The following PIK3CB variants were observed in gnomAD, a reference collection of about 807,000 sequenced individuals.
PIK3CB encodes phosphatidylinositol-4,5-bisphosphate 3-kinase catalytic subunit beta.
A neutral mutation model predicts 136.8 loss-of-function variants in PIK3CB; 39 were observed. The ratio of observed to expected loss-of-function variants is 0.29; its 90% CI spans 0.22 to 0.37. PIK3CB has a LOEUF of 0.37. Ranked by LOEUF, PIK3CB falls within the 10% of genes least tolerant of loss-of-function variation. The pLI is 1.00. For synonymous variants in PIK3CB, 428 were observed against 436.6 expected (o/e 0.98, Z 0.25); for missense variants, 868 against 1,275.4 (o/e 0.68, Z 4.87).
intron 12 of PIK3CB, among the ~76,000 whole-genome samples, chr3:138,700,693 AGATAGAT>A (rs2108536704): frequency 2.6e-4 from 1 of 3,784 alleles, no homozygotes; most frequent in South Asian, 0.011. Flanking sequence ...GACTCTAAAA[AGATAGAT>A]AGATAGATAG....
chr3:138,804,955 G>A (rs1195069937), intron 1 of PIK3CB, among the ~76,000 whole-genome samples: 1 of 152,042 alleles, frequency 6.6e-6, no homozygotes, highest in Non-Finnish European at 1.5e-5. Context: ...AACCCGGGAG[G>A]CGGAGCTTGC....
At chr3:138,674,998 C>T (rs1287176008) in intron 19 of PIK3CB, among the ~76,000 whole-genome samples, 1 of 152,102 alleles carries the variant, frequency 6.6e-6, no homozygotes, top group Non-Finnish European at 1.5e-5. Flanking sequence ...GTGGAGGTGT[C>T]AGTGAGCCGA....
rs1297316204 is a variant in PIK3CB, at chr3:138,662,669, T to A, written c.2796+1237A>T. ...GTCAAATGGTATTTCTAGTTCTAGATCCCTGAGGAATCGCCACACTGACTT... is the reference window on the plus strand; with the variant it reads ...GTCAAATGGTATTTCTAGTTCTAGAACCCTGAGGAATCGCCACACTGACTT... On this transcript the variant is annotated intron_variant, in intron 21 of 23. Coordinates refer to ENST00000674063, the MANE Select transcript of PIK3CB (RefSeq NM_006219.3). Among the ~76,000 whole-genome samples the A allele has an allele frequency of 7.3e-5, 11 of 151,188 alleles. No homozygotes were observed. In the East Asian group the frequency reaches 7.8e-4, roughly 11 times the overall value.
chr3:138,824,720 G>C lies in PIK3CB; in HGVS notation c.-122+9975C>G, dbSNP rs968843936. Among the ~76,000 whole-genome samples, 34 of 151,262 alleles carry C rather than the reference G, an allele frequency of 2.2e-4. 1 individual carries two copies. The highest frequency in any genetic ancestry group is 1.2e-3 in the Admixed American group (18 of 15,124). The stretch of plus-strand genomic sequence containing the variant: ...GAAAAAAAAGAAAAGAAATGAAGGA[G>C]ATATACATTCTCGGGGAGAAGGGGG... On this transcript the variant is annotated intron_variant, in intron 1 of 23. Transcript: ENST00000674063.
At chr3:138,726,928 G>A (rs967658746) in intron 8 of PIK3CB, among the ~76,000 whole-genome samples, 1 of 151,824 alleles carries the variant, frequency 6.6e-6, no homozygotes, top group Admixed American at 6.6e-5. Flanking sequence ...GTGCATGCCT[G>A]TAGTCCCAGA....
Position 138,742,719 on chromosome 3 carries a change from T to C in PIK3CB, c.460A>G (p.Lys154Glu). Residue 154 changes from lysine (K) to glutamate (E), a missense_variant, in exon 5 of 24, where the codon AAA becomes GAA. Lys to Glu is a moderately conservative substitution (Grantham distance 56). Coordinates refer to ENST00000674063, the MANE Select transcript of PIK3CB (RefSeq NM_006219.3). ...GACAGGATTTTTTCCTCGCTGAATT[T>C]GCGCATTTTTCTTCGAAATTCATTT... is the stretch of plus-strand genomic sequence containing the variant. ...EVNEFRRKMR[K>E]FSEEKILSLV... The C allele has an allele frequency of 6.2e-7, 1 of 1,613,770 alleles. No homozygotes were observed.
rs200970812 is a variant in PIK3CB, at chr3:138,696,181, C to CTT, written c.1771-1276_1771-1275dup. 4.5e-3 allele frequency among the ~76,000 whole-genome samples: 627 copies of CTT among 139,312 alleles called. 2 individuals carry two copies. The highest frequency in any genetic ancestry group is 0.015 in the African/African-American group (588 of 38,094). 91.4% of individuals were successfully genotyped at this position (139,312 alleles called of 152,430 possible). Reference sequence around the variant, plus strand: ...TGCCTAGTAATTTTTAAATTTTAACCTTTTTTTTTTTTTTTGTAAGAGATA... The same window carrying CTT: ...TGCCTAGTAATTTTTAAATTTTAACCTTTTTTTTTTTTTTTTTGTAAGAGATA... On this transcript the variant is annotated intron_variant, in intron 13 of 23. Coordinates refer to ENST00000674063, the MANE Select transcript of PIK3CB (RefSeq NM_006219.3).
rs1397929741 is a variant in PIK3CB, at chr3:138,690,984, A to T, written c.2036+16T>A. On this transcript the variant is annotated intron_variant, in intron 15 of 23. Coordinates refer to ENST00000674063, the MANE Select transcript of PIK3CB (RefSeq NM_006219.3). ...AAAGCACCTGGTGGGCTCAAAGTAA[A>T]ATATAAAAGACTTACCTAAGATGCC... 2 of 1,593,708 alleles carry T rather than the reference A, an allele frequency of 1.3e-6. No homozygotes were observed. Among genetic ancestry groups the T allele is most frequent in the South Asian group, 2.3e-5 (2 of 86,990 alleles).
intron 1 of PIK3CB, among the ~76,000 whole-genome samples, chr3:138,824,507 A>G (rs922476659): frequency 6.6e-6 from 1 of 152,016 alleles, no homozygotes; most frequent in Non-Finnish European, 1.5e-5. Flanking sequence ...GAAAATAAGG[A>G]GATATGGCCG....
At chr3:138,737,285 C>T (rs1395311156) in intron 6 of PIK3CB, among the ~76,000 whole-genome samples, 4 of 147,718 alleles carry the variant, frequency 2.7e-5, no homozygotes, top group South Asian at 2.2e-4. Flanking sequence ...CCCAACTACT[C>T]GGGTGGCTGA....
intron 2 of PIK3CB, among the ~76,000 whole-genome samples, chr3:138,788,952 G>C (rs1263779212): frequency 3.9e-4 from 41 of 106,190 alleles, no homozygotes; most frequent in African/African-American, 1.4e-3. Flanking sequence ...GGAAAAGAGA[G>C]AGACTTCGTC....
chr3:138,668,411 T>C (rs1486417174), intron 19 of PIK3CB, among the ~76,000 whole-genome samples: 1 of 152,130 alleles, frequency 6.6e-6, no homozygotes, highest in Non-Finnish European at 1.5e-5. Context: ...CTCAGAGAGT[T>C]TGACAGAAGT....
At chr3:138,674,694 A>G (rs2043608039) in intron 19 of PIK3CB, among the ~76,000 whole-genome samples, 1 of 152,216 alleles carries the variant, frequency 6.6e-6, no homozygotes, top group Admixed American at 6.5e-5. Context: ...CAAATTTTCA[A>G]CTTATTACAC....
intron 1 of PIK3CB, among the ~76,000 whole-genome samples, chr3:138,831,276 A>AAATT (rs1559896103): frequency 1.7e-4 from 23 of 135,698 alleles, no homozygotes; most frequent in African/African-American, 8.3e-4. Flanking sequence ...AAAATAAAAT[A>AAATT]AAATAAAATT....
intron 11 of PIK3CB, among the ~76,000 whole-genome samples, chr3:138,705,655 A>G (rs2044364593): frequency 6.6e-6 from 1 of 152,212 alleles, no homozygotes; most frequent in African/African-American, 2.4e-5. Flanking sequence ...GTACAGGTAG[A>G]TTATCTTAAG....
At chr3:138,800,076 AT>A (rs1342218092) in intron 1 of PIK3CB, among the ~76,000 whole-genome samples, 8 of 152,040 alleles carry the variant, frequency 5.3e-5, no homozygotes, top group Admixed American at 3.9e-4. Flanking sequence ...GCTCTTGTAC[AT>A]GCTGTTCTTT....
At chr3:138,825,438 C>T in intron 1 of PIK3CB, 1 of 687,522 alleles carries the variant, frequency 1.5e-6, no homozygotes, top group Non-Finnish European at 2.6e-6. Flanking sequence ...ACAGCCAATA[C>T]AGATATGAGG....
At chr3:138,750,516 T>C (rs1330890618) in intron 4 of PIK3CB, among the ~76,000 whole-genome samples, 1 of 152,172 alleles carries the variant, frequency 6.6e-6, no homozygotes, top group Non-Finnish European at 1.5e-5. Flanking sequence ...ATGCTACCAC[T>C]GATCTGACAG....
intron 2 of PIK3CB, among the ~76,000 whole-genome samples, chr3:138,784,299 T>C (rs945382557): frequency 4.6e-5 from 7 of 152,136 alleles, no homozygotes; most frequent in African/African-American, 1.7e-4. Flanking sequence ...GTGGAATCAC[T>C]TGAACCCGGG....
Sources: allele counts gnomAD v4.1 joint callset (sites outside exome capture counted in the v4.1 genomes callset), GRCh38; gene constraint gnomAD v4.1.1; transcripts MANE v1.5; gene names NCBI Gene and HGNC (gene_info 2026-07-23, HGNC 2026-07-21).